Variants in RBFOX1 observed in about 807,000 individuals in gnomAD.
RBFOX1 encodes RNA binding protein fox-1 homolog 1.
A neutral mutation model predicts 57.7 loss-of-function variants in RBFOX1; 8 were observed. That is an observed-to-expected ratio of 0.14 (90% confidence interval 0.08 to 0.25). The LOEUF (loss-of-function observed/expected upper bound fraction) is 0.25, where lower values mean the gene tolerates loss of function less well. RBFOX1 is among the 10% of genes least tolerant of loss of function. The pLI is 1.00. For synonymous variants in RBFOX1, 326 were observed against 222.4 expected (o/e 1.47, Z -4.15); for missense variants, 611 against 548.5 (o/e 1.11, Z -1.14).
chr16:6,480,202 G>C (rs546557281), intron 2 of RBFOX1, among the ~76,000 whole-genome samples: 1 of 152,234 alleles, frequency 6.6e-6, no homozygotes, highest in South Asian at 2.1e-4. Context: ...CTGGCTTTAT[G>C]CTTTTAAAAG....
chr16:6,894,084 C>T (rs532341721), intron 3 of RBFOX1, among the ~76,000 whole-genome samples: 4 of 151,968 alleles, frequency 2.6e-5, no homozygotes, highest in East Asian at 1.9e-4. Context: ...GATACTGGAT[C>T]GATTGATAGA....
At chr16:5,529,779 G>A (rs2044391482) in intron 2 of RBFOX1, among the ~76,000 whole-genome samples, 1 of 151,922 alleles carries the variant, frequency 6.6e-6, no homozygotes, top group Admixed American at 6.6e-5. Context: ...TGTTAGCCAG[G>A]GTGTTCTCGA....
At chr16:7,326,576 G>T (rs1424776021) in intron 4 of RBFOX1, among the ~76,000 whole-genome samples, 3 of 152,084 alleles carry the variant, frequency 2.0e-5, no homozygotes, top group Non-Finnish European at 2.9e-5. Context: ...GCACTTTCTG[G>T]ATGCCTTCCA....
chr16:7,448,465 A>T (rs1351945568), intron 4 of RBFOX1, among the ~76,000 whole-genome samples: 1 of 152,186 alleles, frequency 6.6e-6, no homozygotes, highest in East Asian at 1.9e-4. Flanking sequence ...GAGTGTATGC[A>T]GGGCAGCTTC....
intron 1 of RBFOX1, among the ~76,000 whole-genome samples, chr16:5,248,648 T>G (rs1241969789): frequency 6.6e-6 from 1 of 151,684 alleles, no homozygotes; most frequent in Non-Finnish European, 1.5e-5. Flanking sequence ...GGGTGCAGGG[T>G]GTGCCCAGGA....
At chr16:6,934,368 T>A (rs796412453) in intron 3 of RBFOX1, among the ~76,000 whole-genome samples, 1 of 152,210 alleles carries the variant, frequency 6.6e-6, no homozygotes, top group East Asian at 1.9e-4. Flanking sequence ...TATGTGAGTA[T>A]TTTTTTACAT....
chr16:7,198,383 G>C (rs553186881), intron 4 of RBFOX1, among the ~76,000 whole-genome samples: 21 of 152,280 alleles, frequency 1.4e-4, no homozygotes, highest in African/African-American at 4.3e-4. Context: ...GCAACATTGT[G>C]AATGTACTAA....
intron 4 of RBFOX1, among the ~76,000 whole-genome samples, chr16:5,987,439 G>A (rs183993430): frequency 7.2e-4 from 110 of 152,276 alleles, no homozygotes; most frequent in Middle Eastern, 3.4e-3. Context: ...TGGCCTGAAA[G>A]CTCTTTGCCT....
rs12598869 is a variant in RBFOX1, at chr16:6,423,843, G to C, written c.-64+106786G>C. Reference sequence around the variant, plus strand: ...GAACAGAAGAGAAATGAGGAGCCCAGATAAGAGATCCACCCTGAATCCTAG... The same window carrying C: ...GAACAGAAGAGAAATGAGGAGCCCACATAAGAGATCCACCCTGAATCCTAG... On this transcript the variant is annotated intron_variant, in intron 2 of 15. Coordinates refer to ENST00000550418, the MANE Select transcript of RBFOX1 (RefSeq NM_018723.4). Among the ~76,000 whole-genome samples, 924 of 152,192 alleles carry C rather than the reference G, an allele frequency of 6.1e-3. 33 individuals are homozygous for C. In the East Asian group the frequency reaches 0.13, roughly 21 times the overall value.
At chr16:5,956,476 T>A (rs949788345) in intron 4 of RBFOX1, among the ~76,000 whole-genome samples, 21 of 151,604 alleles carry the variant, frequency 1.4e-4, no homozygotes, top group Admixed American at 1.1e-3. Context: ...TACAGTCAAA[T>A]TTACATGAAT....
chr16:6,721,841 T>C (rs1356298517), intron 3 of RBFOX1: 2 of 153,278 alleles, frequency 1.3e-5, no homozygotes, highest in African/African-American at 4.8e-5. Flanking sequence ...CACACGCCTA[T>C]TGCAGGAGTA....
rs552281545 is a variant in RBFOX1, at chr16:6,792,386, T to G, written c.-16+137736T>G. On this transcript the variant is annotated intron_variant, in intron 3 of 15. Transcript: ENST00000550418. ...ATAATTGCATATCTTTATGCAGAAT[T>G]ATGCATTTTTTGATTTAGCAAATAG... is the stretch of plus-strand genomic sequence containing the variant. Among the ~76,000 whole-genome samples, 11 of 152,332 alleles carry G rather than the reference T, an allele frequency of 7.2e-5. No individual in the cohort carries two copies. The South Asian group carries it at 2.3e-3, about 32-fold the overall frequency.
chr16:6,920,346 G>A (rs931705227), intron 3 of RBFOX1, among the ~76,000 whole-genome samples: 6 of 152,274 alleles, frequency 3.9e-5, no homozygotes, highest in South Asian at 2.1e-4. Flanking sequence ...GTTCACTCCT[G>A]ATATTGTCAT....
intron 3 of RBFOX1, among the ~76,000 whole-genome samples, chr16:5,849,678 C>G (rs1029513172): frequency 6.6e-6 from 1 of 152,192 alleles, no homozygotes; most frequent in Non-Finnish European, 1.5e-5. Flanking sequence ...GGCCCCCTCA[C>G]TCCGAGGCAT....
chr16:5,426,392 A>G (rs1007216287), intron 1 of RBFOX1, among the ~76,000 whole-genome samples: 2 of 152,150 alleles, frequency 1.3e-5, no homozygotes, highest in African/African-American at 2.4e-5. Context: ...GCATTAGATA[A>G]AAGCACCAAT....
intron 1 of RBFOX1, among the ~76,000 whole-genome samples, chr16:6,234,816 G>GAC (rs57296223): frequency 0.22 from 32,724 of 150,662 alleles, 3,900 homozygotes; most frequent in East Asian, 0.47. Context: ...ACTACACACA[G>GAC]ACACACACAC....
intron 4 of RBFOX1, among the ~76,000 whole-genome samples, chr16:7,176,509 C>A (rs1173571261): frequency 1.3e-5 from 2 of 152,068 alleles, no homozygotes; most frequent in African/African-American, 4.8e-5. Flanking sequence ...ATCCAGCTCT[C>A]CTCTTGTTTT....
At chr16:5,580,698 A>G (rs1374462824) in intron 2 of RBFOX1, among the ~76,000 whole-genome samples, 1 of 152,156 alleles carries the variant, frequency 6.6e-6, no homozygotes, top group African/African-American at 2.4e-5. Flanking sequence ...GGCATCTCAC[A>G]CTGCCCTGCG....
At chr16:6,957,293 G>T (rs913256769) in intron 3 of RBFOX1, among the ~76,000 whole-genome samples, 1 of 151,708 alleles carries the variant, frequency 6.6e-6, no homozygotes, top group Non-Finnish European at 1.5e-5. Flanking sequence ...CACTGCGCCA[G>T]GCTAATTTTT....
Sources: gnomAD v4.1 joint callset for allele counts (sites outside exome capture counted in the v4.1 genomes callset) on GRCh38, gnomAD v4.1.1 for gene constraint, MANE v1.5 for transcripts, NCBI Gene and HGNC (gene_info 2026-07-23, HGNC 2026-07-21) for gene names.